The following OPN4 variants were observed in gnomAD, a reference collection of about 807,000 sequenced individuals.
OPN4 encodes melanopsin.
In OPN4, 43 loss-of-function variants were observed where a neutral mutation model predicts 49.5. The ratio of observed to expected loss-of-function variants is 0.87; its 90% confidence interval spans 0.68 to 1.12. The LOEUF is 1.12. OPN4 is among the 50% of genes most tolerant of loss of function. The pLI is 0.00. For synonymous variants in OPN4, 263 were observed against 258.0 expected (o/e 1.02, Z -0.19); for missense variants, 657 against 643.9 (o/e 1.02, Z -0.22).
chr10:86,654,715 G>A lies in OPN4; in HGVS notation c.-69G>A. On this transcript the variant is annotated 5_prime_UTR_variant, in exon 1 of 10. Transcript: ENST00000241891. ...GAGGAAAGTTGGGAGGCTGAGCACA[G>A]CTGAAGTCCTGAGCTCCCTGTGCCC... is the stretch of plus-strand genomic sequence containing the variant. The A allele has an allele frequency of 6.4e-7, 1 of 1,560,626 alleles. No homozygotes were observed. Among genetic ancestry groups the A allele is most frequent in the Non-Finnish European group, 8.7e-7 (1 of 1,147,318 alleles).
At chr10:86,662,462 GC>G in intron 8 of OPN4, 30 bp downstream of exon 8, 1 of 1,534,148 alleles carries the variant, frequency 6.5e-7, no homozygotes, top group Non-Finnish European at 8.7e-7. Flanking sequence ...ACCAGCTTGC[GC>G]CTGGCCATCC....
chr10:86,663,729 G>T lies in OPN4; in HGVS notation c.1325G>T (p.Gly442Val). The T allele has an allele frequency of 6.3e-7, 1 of 1,579,646 alleles. No homozygotes were observed. Among genetic ancestry groups the T allele is most frequent in the Non-Finnish European group, 8.6e-7 (1 of 1,163,280 alleles). ...AQQANGRSLY[G>V]QGLEDLEAKA... ...CAAGCAAATGGGCGGTCCCTCTACG[G>T]TCAGGGTCTGGAGGACTTGGAAGCC... The change falls in exon 9 of 10, where the codon GGT becomes GTT. Residue 442 changes from glycine to valine, a missense_variant. Transcript: ENST00000241891.
chr10:86,661,421 C>A (rs1355181632), intron 7 of OPN4, 33 bp downstream of exon 7: 8 of 1,522,980 alleles, frequency 5.3e-6, no homozygotes, highest in South Asian at 3.4e-5. Context: ...CACACCTTGG[C>A]CTCCAAGGGC....
In OPN4 at chr10:86,666,001, G is replaced by A; in HGVS notation, c.*250G>A. Reference sequence around the variant, plus strand: ...CCGAGGCTCAGCCTGAGGGGTATGTGCCCAGGCCCTCCCACTTCCCGAGTT... The same window carrying A: ...CCGAGGCTCAGCCTGAGGGGTATGTACCCAGGCCCTCCCACTTCCCGAGTT... On this transcript the variant is annotated 3_prime_UTR_variant, in exon 10 of 10. Transcript: ENST00000241891. The A allele has an allele frequency of 1.9e-6, 1 of 537,086 alleles. No individual in the cohort carries two copies. Among genetic ancestry groups the A allele is most frequent in the South Asian group, 2.4e-5 (1 of 41,046 alleles). 33.3% of individuals were successfully genotyped at this position (537,086 alleles called of 1,614,324 possible).
rs1843822587 is a variant in OPN4 at position 86,654,668 on chromosome 10, C to T, written c.-116C>T. 1.4e-6 allele frequency: 2 copies of T among 1,419,426 alleles called. No homozygotes were observed. Among genetic ancestry groups the T allele is most frequent in the East Asian group, 4.6e-5 (2 of 43,162 alleles). The allele number at this position is 1,419,426 out of a possible 1,614,324, so 87.9% of individuals were successfully genotyped here. A position where few individuals can be genotyped will look rare whatever the true frequency, so the allele number is the denominator to read the frequency against. On this transcript the variant is annotated 5_prime_UTR_variant, in exon 1 of 10. Transcript: ENST00000241891. ...GACACAGGAGAAAGCAGCGGGTAGG[C>T]TAAGCAGGGGTGCTGAGGATGGAGG...
intron 5 of OPN4, 69 bp downstream of exon 5, chr10:86,659,537 A>G: frequency 6.5e-7 from 1 of 1,547,490 alleles, no homozygotes; most frequent in South Asian, 1.2e-5. Flanking sequence ...CCCCTGCCCC[A>G]CCACTCACAC....
Position 86,659,969 on chromosome 10 carries a change from G to A in OPN4, c.875G>A (p.Cys292Tyr). The A allele has an allele frequency of 1.2e-6, 2 of 1,614,240 alleles. No individual in the cohort carries two copies. Among genetic ancestry groups the A allele is most frequent in the Non-Finnish European group, 1.7e-6 (2 of 1,180,038 alleles). Residue 292 changes from cysteine (C) to tyrosine (Y), a missense_variant, in exon 6 of 10, where the codon TGC becomes TAC. Coordinates refer to ENST00000241891, the MANE Select transcript of OPN4 (RefSeq NM_033282.4). ...CAGCGGCAGCGGCTGCAGAGCGAGT[G>A]CAAGATGGCCAAGATCATGCTGCTG... is the stretch of plus-strand genomic sequence containing the variant. ...LWQRQRLQSE[C>Y]KMAKIMLLVI...
At position 86,665,879 on chromosome 10, in the gene OPN4, C is replaced by T. The variant is rs774741933; in HGVS notation, c.*128C>T. ...AAGTGGCCCTGTCACCCGTGCTGCA[C>T]GGGATTCACAGCCCCAGCCCCATGG... On this transcript the variant is annotated 3_prime_UTR_variant, in exon 10 of 10. Coordinates refer to ENST00000241891, the MANE Select transcript of OPN4 (RefSeq NM_033282.4). The T allele has an allele frequency of 9.4e-6, 7 of 748,614 alleles. No homozygotes were observed. The highest frequency in any genetic ancestry group is 3.3e-5 in the South Asian group (2 of 60,916). 46.4% of individuals were successfully genotyped at this position (748,614 alleles called of 1,614,324 possible).
In OPN4 at chr10:86,660,477, C is replaced by T. The variant is rs186755599; in HGVS notation, c.965+418C>T. ...GGGGATTGTGACATCTGCAGCAGCA[C>T]AGATGCATGCTCAACTTCAGAAGTG... On this transcript the variant is annotated intron_variant, in intron 6 of 9. Coordinates refer to ENST00000241891, the MANE Select transcript of OPN4 (RefSeq NM_033282.4). Among the ~76,000 whole-genome samples, 571 of 152,320 alleles carry T rather than the reference C, an allele frequency of 3.7e-3. 5 individuals carry two copies. Among genetic ancestry groups the T allele is most frequent in the South Asian group, 0.027 (130 of 4,820 alleles).
rs770066789 is a variant in OPN4 at position 86,658,449 on chromosome 10, C to G, written c.425-35C>G. ...GAGTCTACCCTGTCCCCAGACCCTC[C>G]TCCCCAGGACTCAGAGCAGGGGCTG... is the stretch of plus-strand genomic sequence containing the variant. On this transcript the variant is annotated intron_variant, in intron 3 of 9. Transcript: ENST00000241891. 8 of 1,607,748 alleles carry G rather than the reference C, an allele frequency of 5.0e-6. No homozygotes were observed. The Admixed American group carries it at 1.2e-4, about 23-fold the overall frequency.
intron 4 of OPN4, 108 bp downstream of exon 4, chr10:86,658,795 G>A: frequency 8.9e-7 from 1 of 1,127,500 alleles, no homozygotes; most frequent in Non-Finnish European, 1.3e-6. Context: ...AGGGTGCCCA[G>A]GAGCTACCTG....
rs768339750 is a variant in OPN4 at position 86,665,720 on chromosome 10, G to A, written c.1406G>A (p.Gly469Glu). The A allele has an allele frequency of 3.7e-6, 6 of 1,613,410 alleles. No individual in the cohort carries two copies. The highest frequency in any genetic ancestry group is 4.2e-6 in the Non-Finnish European group (5 of 1,179,676). Reference sequence around the variant, plus strand: ...TGTGCTGTTTGTTTGCAGACCAAGGGGCTGATCCCCAGCCAGGACCCCAGG... The same window carrying A: ...TGTGCTGTTTGTTTGCAGACCAAGGAGCTGATCCCCAGCCAGGACCCCAGG... The part of the protein sequence containing the change: ...HEAETPGKTK[G>E]LIPSQDPRM Residue 469 changes from glycine (G) to glutamate (E), a missense_variant, in exon 10 of 10, where the codon GGG (glycine) becomes GAG (glutamate). Physicochemically the swap from Gly to Glu is moderately conservative, Grantham distance 98. Coordinates refer to ENST00000241891, the MANE Select transcript of OPN4 (RefSeq NM_033282.4).
chr10:86,661,134 T>C (rs1843994409), intron 6 of OPN4, 147 bp from the exon 7 acceptor site: 1 of 648,478 alleles, frequency 1.5e-6, no homozygotes, highest in African/African-American at 1.8e-5. Context: ...AAAATTATCC[T>C]GGCACTGCCA....
intron 2 of OPN4, among the ~76,000 whole-genome samples, chr10:86,656,815 T>C (rs1175349657): frequency 4.0e-5 from 6 of 151,808 alleles, no homozygotes; most frequent in African/African-American, 1.5e-4. Flanking sequence ...TGTGGTGGTG[T>C]GTGCCTATAA....
In OPN4 at chr10:86,660,179, G is replaced by T. The variant is rs951048633; in HGVS notation, c.965+120G>T. On this transcript the variant is annotated intron_variant, in intron 6 of 9. Coordinates refer to ENST00000241891, the MANE Select transcript of OPN4 (RefSeq NM_033282.4). ...CAGCCATCCTCGCACCCTAGGACCA[G>T]CTTCACAGCTTATTCTCTCCCTGGG... is the stretch of plus-strand genomic sequence containing the variant. 4.6e-6 allele frequency: 5 copies of T among 1,094,486 alleles called. No homozygotes were observed. The African/African-American group carries it at 7.8e-5, about 17-fold the overall frequency. The allele number at this position is 1,094,486 out of a possible 1,614,324, so 67.8% of individuals were successfully genotyped here.
At chr10:86,656,944 C>CAAAAA (rs10718951) in intron 2 of OPN4, among the ~76,000 whole-genome samples, 8 of 73,418 alleles carry the variant, frequency 1.1e-4, no homozygotes, top group Admixed American at 7.5e-4. Flanking sequence ...GACTCCATCT[C>CAAAAA]AAAAAAAAAA....
At position 86,656,427 on chromosome 10, in the gene OPN4, C is replaced by A. The variant is rs1052486243; in HGVS notation, c.290+127C>A. On this transcript the variant is annotated intron_variant, in intron 2 of 9. Transcript: ENST00000241891. ...CACTGTTGAGGCTAGGCAAGGAGGGCAGGGCCATGCCTTCGATGATCTCAG... is the reference window on the plus strand; with the variant it reads ...CACTGTTGAGGCTAGGCAAGGAGGGAAGGGCCATGCCTTCGATGATCTCAG... 7.5e-6 allele frequency: 9 copies of A among 1,192,062 alleles called. No homozygotes were observed. The Admixed American group carries it at 1.0e-4, about 13-fold the overall frequency. The allele number at this position is 1,192,062 out of a possible 1,614,324, so 73.8% of individuals were successfully genotyped here.
Position 86,662,335 on chromosome 10 carries a change from G to A in OPN4, c.1157G>A (p.Arg386His), listed in dbSNP as rs771061097. Residue 386 changes from arginine (R) to histidine (H), a missense_variant, in exon 8 of 10, where the codon CGC (arginine) becomes CAC (histidine). Coordinates refer to ENST00000241891, the MANE Select transcript of OPN4 (RefSeq NM_033282.4). The stretch of plus-strand genomic sequence containing the variant: ...CACAGTCGCCCCTACCCCAGCTACC[G>A]CTCCACCCACCGCTCCACGCTGACC... ...RRHSRPYPSY[R>H]STHRSTLTSH... 91 of 1,601,274 alleles carry A rather than the reference G, an allele frequency of 5.7e-5. No individual in the cohort carries two copies. The highest frequency in any genetic ancestry group is 7.6e-5 in the Non-Finnish European group (89 of 1,175,402).
chr10:86,665,119 G>T (rs1401523388), intron 9 of OPN4, among the ~76,000 whole-genome samples: 1 of 152,126 alleles, frequency 6.6e-6, no homozygotes, highest in Non-Finnish European at 1.5e-5. Context: ...AGGGGAGGGA[G>T]CTCAATATGT....
Sources: gnomAD v4.1 joint callset for allele counts (sites outside exome capture counted in the v4.1 genomes callset) on GRCh38, gnomAD v4.1.1 for gene constraint, MANE v1.5 for transcripts, NCBI Gene and HGNC (gene_info 2026-07-23, HGNC 2026-07-21) for gene names.